Variants in RGS22 observed in about 807,000 individuals in gnomAD.
The protein encoded by RGS22 is regulator of G-protein signaling 22.
A neutral mutation model predicts 172.9 loss-of-function variants in RGS22; 148 were observed. The observed-to-expected ratio is 0.86, with a 90% confidence interval of 0.75 to 0.98. RGS22 has a LOEUF of 0.98. Among genes scored for constraint, RGS22 ranks in the 50% least tolerant of loss-of-function variants. RGS22 has a pLI of 0.00. For missense variants in RGS22, 1,347 were observed against 1,440.8 expected (o/e 0.93, Z 1.05); for synonymous variants, 458 against 480.2 (o/e 0.95, Z 0.60).
rs1040972928 is a variant in RGS22, at chr8:99,969,634, A to G, written c.3520-4204T>C. 2.6e-5 allele frequency among the ~76,000 whole-genome samples: 4 copies of G among 152,186 alleles called. No individual in the cohort carries two copies. The South Asian group carries it at 6.2e-4, about 24-fold the overall frequency. On this transcript the variant is annotated intron_variant, in intron 23 of 27. Coordinates refer to ENST00000360863, the MANE Select transcript of RGS22 (RefSeq NM_015668.5). Reference sequence around the variant, plus strand: ...CAACAAAGATCAAAAAAGACAAAGAAGGGCATTACATAATGTTAAAGGGAT... The same window carrying G: ...CAACAAAGATCAAAAAAGACAAAGAGGGGCATTACATAATGTTAAAGGGAT...
intron 20 of RGS22, 48 bp downstream of exon 20, chr8:99,996,414 T>C: frequency 1.3e-6 from 2 of 1,504,850 alleles, no homozygotes; most frequent in Non-Finnish European, 1.8e-6. Context: ...AACAATACTT[T>C]GACAGAGCAA....
Position 100,071,522 on chromosome 8 carries a change from G to T in RGS22, c.441C>A (p.Val147=), listed in dbSNP as rs757328334. The T allele has an allele frequency of 6.2e-7, 1 of 1,601,280 alleles. No homozygotes were observed. Among genetic ancestry groups the T allele is most frequent in the Non-Finnish European group, 8.5e-7 (1 of 1,175,050 alleles). Residue 147 remains valine, a synonymous_variant, in exon 6 of 28, where the codon GTC becomes GTA. Coordinates refer to ENST00000360863, the MANE Select transcript of RGS22 (RefSeq NM_015668.5). ...CGGACTTGCTCCATCTTACTTGTGA[G>T]ACCAATTTGGCTAACCTGCATTTTA... ...CYFEYRLAKL[V]SQVRWSKSGM... is the part of the protein sequence containing the mutation.
intron 2 of RGS22, 82 bp downstream of exon 2, chr8:100,105,292 C>A: frequency 8.9e-7 from 1 of 1,128,480 alleles, no homozygotes; most frequent in African/African-American, 1.6e-5. Context: ...GGAAAGAAAA[C>A]ACACAGCTTT....
intron 9 of RGS22, among the ~76,000 whole-genome samples, chr8:100,056,764 C>G (rs561466010): frequency 2.0e-5 from 3 of 152,186 alleles, no homozygotes; most frequent in African/African-American, 7.2e-5. Flanking sequence ...GATGTCCAGA[C>G]AGAAGTTTGC....
intron 14 of RGS22, among the ~76,000 whole-genome samples, chr8:100,027,486 T>G (rs1013470390): frequency 3.3e-5 from 5 of 152,128 alleles, no homozygotes; most frequent in African/African-American, 1.2e-4. Flanking sequence ...TTCATTTTAT[T>G]TATTTATTTA....
intron 8 of RGS22, among the ~76,000 whole-genome samples, 157 bp from the exon 9 acceptor site, chr8:100,062,909 A>G (rs1033429511): frequency 2.0e-5 from 3 of 152,180 alleles, no homozygotes; most frequent in African/African-American, 7.2e-5. Context: ...TCTAAAACAT[A>G]CAGAGCTGAC....
At chr8:100,018,499 A>T (rs1309644425) in intron 14 of RGS22, among the ~76,000 whole-genome samples, 5 of 152,216 alleles carry the variant, frequency 3.3e-5, no homozygotes, top group African/African-American at 1.2e-4. Flanking sequence ...TTTGCTTTCT[A>T]AATAGCGTTA....
chr8:99,962,255 A>T (rs1047157655), intron 27 of RGS22, 139 bp downstream of exon 27: 14 of 602,274 alleles, frequency 2.3e-5, no homozygotes, highest in African/African-American at 3.8e-5. Flanking sequence ...AAAGGGAGGC[A>T]AGGCTCTCCT....
At chr8:100,055,849 C>T (rs754181735) in intron 9 of RGS22, among the ~76,000 whole-genome samples, 42 of 152,130 alleles carry the variant, frequency 2.8e-4, no homozygotes, top group East Asian at 3.8e-4. Context: ...TACCCAGTCT[C>T]GGGTATGTCT....
intron 4 of RGS22, among the ~76,000 whole-genome samples, chr8:100,076,185 T>G (rs899298041): frequency 6.6e-6 from 1 of 152,212 alleles, no homozygotes; most frequent in African/African-American, 2.4e-5. Flanking sequence ...TCTTTTTACT[T>G]TCTTGGTAGT....
chr8:99,989,146 G>T (rs1463005635), intron 20 of RGS22, among the ~76,000 whole-genome samples: 3 of 151,782 alleles, frequency 2.0e-5, no homozygotes, highest in Non-Finnish European at 4.4e-5. Context: ...ATACACAAAA[G>T]AGCATATTAA....
intron 23 of RGS22, among the ~76,000 whole-genome samples, chr8:99,970,357 G>A (rs543195961): frequency 1.3e-5 from 2 of 152,092 alleles, no homozygotes; most frequent in Non-Finnish European, 2.9e-5. Context: ...TCAAAAGCTA[G>A]CAGAAAATAA....
chr8:100,101,035 T>C (rs1813429737), intron 2 of RGS22, among the ~76,000 whole-genome samples: 1 of 152,220 alleles, frequency 6.6e-6, no homozygotes, highest in African/African-American at 2.4e-5. Context: ...ATTCCATTTT[T>C]TGATGGAAGA....
intron 18 of RGS22, 114 bp from the exon 19 acceptor site, chr8:99,999,534 T>G (rs1814793517): frequency 9.8e-7 from 1 of 1,020,938 alleles, no homozygotes; most frequent in African/African-American, 1.6e-5. Flanking sequence ...GGGGTGCCAA[T>G]TTTCATTTTC....
At chr8:99,969,831 G>A (rs1359418893) in intron 23 of RGS22, among the ~76,000 whole-genome samples, 3 of 152,160 alleles carry the variant, frequency 2.0e-5, no homozygotes, top group African/African-American at 4.8e-5. Context: ...CAATGAAACA[G>A]AAAATTAACA....
chr8:100,087,098 C>A (rs1376077069), intron 3 of RGS22, among the ~76,000 whole-genome samples: 1 of 152,102 alleles, frequency 6.6e-6, no homozygotes, highest in Non-Finnish European at 1.5e-5. Flanking sequence ...TTGTTTTAAC[C>A]ATTTCTAAGC....
At chr8:99,965,193 C>T (rs916130599) in intron 24 of RGS22, 142 bp downstream of exon 24, 5 of 448,186 alleles carry the variant, frequency 1.1e-5, no homozygotes, top group South Asian at 7.7e-5. Flanking sequence ...AAAGAAACTC[C>T]CTTCAATCTC....
chr8:99,996,759 A>G (rs968806419), intron 19 of RGS22, among the ~76,000 whole-genome samples: 1 of 152,196 alleles, frequency 6.6e-6, no homozygotes, highest in African/African-American at 2.4e-5. Context: ...CCCGATTGTT[A>G]TTGCCCCAAA....
At chr8:100,020,910 G>A (rs1563625800) in intron 14 of RGS22, among the ~76,000 whole-genome samples, 1 of 152,182 alleles carries the variant, frequency 6.6e-6, no homozygotes, top group Admixed American at 6.5e-5. Context: ...GGGTGCTACT[G>A]CACATCTCTT....
Sources: gnomAD v4.1 joint callset for allele counts (sites outside exome capture counted in the v4.1 genomes callset) on GRCh38, gnomAD v4.1.1 for gene constraint, MANE v1.5 for transcripts, NCBI Gene and HGNC (gene_info 2026-07-23, HGNC 2026-07-21) for gene names.